The following RNF216 variants were observed in gnomAD, a reference collection of about 807,000 sequenced individuals.
RNF216 encodes E3 ubiquitin-protein ligase RNF216.
In RNF216, 72 loss-of-function variants were observed where a neutral mutation model predicts 110.8. The observed-to-expected ratio is 0.65, with a 90% confidence interval of 0.54 to 0.79. RNF216 has a LOEUF of 0.79. RNF216 is among the 30% of genes least tolerant of loss of function. RNF216 has a pLI of 0.00. For synonymous variants in RNF216, 495 were observed against 407.5 expected, an observed-to-expected ratio of 1.21 and a Z score of -2.59; for missense variants, 1,342 against 1,141.2, an observed-to-expected ratio of 1.18 and a Z score of -2.54.
At position 5,630,872 on chromosome 7, in the gene RNF216, C is replaced by G. The variant is rs142884002; in HGVS notation, c.2383-6747G>C. On this transcript the variant is annotated intron_variant, in intron 15 of 16. Transcript: ENST00000389902. ...TGCAGATGAGGAAACCCTGGCACAG[C>G]GAGGTTGTGACCCAGGCAATCTCGT... 1.5e-3 allele frequency among the ~76,000 whole-genome samples: 232 copies of G among 152,288 alleles called. 1 individual carries two copies. The highest frequency in any genetic ancestry group is 5.1e-3 in the African/African-American group (213 of 41,558).
intron 13 of RNF216, among the ~76,000 whole-genome samples, chr7:5,659,461 C>G (rs1459382363): frequency 6.6e-6 from 1 of 152,102 alleles, no homozygotes; most frequent in Non-Finnish European, 1.5e-5. Context: ...CTGAGAAAGT[C>G]AGTATGGCTG....
chr7:5,651,035 C>T (rs1481806348), intron 14 of RNF216, among the ~76,000 whole-genome samples: 2 of 152,148 alleles, frequency 1.3e-5, no homozygotes, highest in Non-Finnish European at 2.9e-5. Context: ...TAGACCAATG[C>T]GATACGAGCG....
intron 7 of RNF216, among the ~76,000 whole-genome samples, chr7:5,726,979 AAGGAAGAGTGGGAGCCTTTC>A (rs1166710265): frequency 6.6e-6 from 1 of 152,124 alleles, no homozygotes; most frequent in Non-Finnish European, 1.5e-5. Flanking sequence ...GCAAGAGAAG[AAGGAAGAGTGGGAGCCTTTC>A]AGGAAGACTG....
In RNF216 at chr7:5,741,144, C is replaced by G. The variant is rs780901134; in HGVS notation, c.873G>C (p.Gln291His). 6.2e-7 allele frequency: 1 copy of G among 1,614,120 alleles called. No homozygotes were observed. Among genetic ancestry groups the G allele is most frequent in the Non-Finnish European group, 8.5e-7 (1 of 1,180,014 alleles). The change falls in exon 4 of 17, where the codon CAG becomes CAC. Residue 291 changes from glutamine to histidine, a missense_variant. Gln to His is a conservative substitution (Grantham distance 24). Coordinates refer to ENST00000389902, the MANE Select transcript of RNF216 (RefSeq NM_207111.4). ...CAAACTCTCCTAGAGGATGGGCAGG[C>G]TGAGGAGAAGAGGGGCCTGAAATCC... ...QGGISGPSSP[Q>H]PAHPLGEFED...
chr7:5,742,140 G>A (rs557683610), intron 3 of RNF216, among the ~76,000 whole-genome samples: 4 of 151,906 alleles, frequency 2.6e-5, no homozygotes, highest in Non-Finnish European at 5.9e-5. Flanking sequence ...TCTGCCTCCC[G>A]GGCTCAAGCA....
intron 13 of RNF216, among the ~76,000 whole-genome samples, chr7:5,708,595 C>A (rs1160451031): frequency 6.6e-6 from 1 of 152,220 alleles, no homozygotes; most frequent in Non-Finnish European, 1.5e-5. Context: ...CTAAAATAGG[C>A]TTCCTGCAAG....
At chr7:5,660,943 G>GTTTTTTTTTGTTTT (rs1470327757) in intron 13 of RNF216, among the ~76,000 whole-genome samples, 31 of 90,140 alleles carry the variant, frequency 3.4e-4, no homozygotes, top group African/African-American at 1.6e-3. Context: ...GAAGCCTTAG[G>GTTTTTTTTTGTTTT]TTTTTTTTTT....
intron 13 of RNF216, among the ~76,000 whole-genome samples, chr7:5,681,886 G>A (rs907198341): frequency 3.9e-5 from 6 of 152,314 alleles, no homozygotes; most frequent in East Asian, 1.9e-4. Flanking sequence ...ACATGAAGAC[G>A]GGATCTGTGT....
intron 13 of RNF216, among the ~76,000 whole-genome samples, chr7:5,670,202 G>A (rs1789813605): frequency 2.0e-5 from 3 of 152,086 alleles, no homozygotes; most frequent in Admixed American, 6.6e-5. Context: ...CCAAAGTGCT[G>A]GAATTACAGG....
At chr7:5,675,257 T>C (rs1790205932) in intron 13 of RNF216, among the ~76,000 whole-genome samples, 2 of 152,320 alleles carry the variant, frequency 1.3e-5, no homozygotes, top group Admixed American at 6.5e-5. Context: ...CTTATCCCTC[T>C]GCACACACGC....
intron 1 of RNF216, among the ~76,000 whole-genome samples, chr7:5,770,795 A>G (rs1796453773): frequency 6.6e-6 from 1 of 151,990 alleles, no homozygotes; most frequent in South Asian, 2.1e-4. Context: ...AGAGTGCAGA[A>G]CAGATTCTTT....
At chr7:5,669,514 TAG>T (rs1453445593) in intron 13 of RNF216, among the ~76,000 whole-genome samples, 2 of 152,154 alleles carry the variant, frequency 1.3e-5, no homozygotes, top group Admixed American at 6.6e-5. Flanking sequence ...CAAAAGATGC[TAG>T]AGAGTGAGGT....
intron 13 of RNF216, among the ~76,000 whole-genome samples, chr7:5,652,920 T>A (rs1040589662): frequency 2.0e-5 from 3 of 152,300 alleles, no homozygotes; most frequent in South Asian, 4.1e-4. Context: ...GCATAAGCCT[T>A]TCTAAAATGC....
intron 5 of RNF216, among the ~76,000 whole-genome samples, chr7:5,738,741 T>C (rs1275419920): frequency 1.3e-5 from 2 of 150,722 alleles, no homozygotes; most frequent in South Asian, 2.1e-4. Flanking sequence ...AATGCTTCCA[T>C]GTATTTCTCC....
intron 9 of RNF216, among the ~76,000 whole-genome samples, chr7:5,718,275 G>C (rs1012907639): frequency 1.8e-4 from 27 of 152,070 alleles, no homozygotes; most frequent in African/African-American, 6.5e-4. Flanking sequence ...CAGCTACTAA[G>C]GTGGCTGAGG....
intron 2 of RNF216, among the ~76,000 whole-genome samples, chr7:5,757,937 T>C (rs1584587276): frequency 6.6e-6 from 1 of 152,320 alleles, no homozygotes; most frequent in Non-Finnish European, 1.5e-5. Context: ...ATTGGATCAC[T>C]TGAGCCCAGC....
intron 1 of RNF216, among the ~76,000 whole-genome samples, chr7:5,776,072 C>A (rs967924935): frequency 1.3e-5 from 2 of 152,078 alleles, no homozygotes; most frequent in Non-Finnish European, 2.9e-5. Context: ...TGTACTAATA[C>A]AATTAATATT....
At chr7:5,773,116 C>T (rs1047915283) in intron 1 of RNF216, among the ~76,000 whole-genome samples, 1 of 151,956 alleles carries the variant, frequency 6.6e-6, no homozygotes, top group South Asian at 2.1e-4. Flanking sequence ...CATATATCAG[C>T]GTAAGTTTGG....
chr7:5,631,980 C>A (rs1374975535), intron 15 of RNF216, among the ~76,000 whole-genome samples: 1 of 152,242 alleles, frequency 6.6e-6, no homozygotes, highest in South Asian at 2.1e-4. Context: ...GACCCTGAGG[C>A]TCAGAAGATG....
Sources: gnomAD v4.1 joint callset for allele counts (sites outside exome capture counted in the v4.1 genomes callset) on GRCh38, gnomAD v4.1.1 for gene constraint, MANE v1.5 for transcripts, NCBI Gene and HGNC (gene_info 2026-07-23, HGNC 2026-07-21) for gene names.